Variants in SLC6A11 observed in about 807,000 individuals in gnomAD.
SLC6A11 encodes the protein sodium- and chloride-dependent GABA transporter 3.
Under a neutral mutation model 74.8 loss-of-function variants are expected in SLC6A11, and 25 were observed. The observed-to-expected ratio is 0.33, with a 90% CI of 0.24 to 0.47. SLC6A11 has a LOEUF of 0.47. Ranked by LOEUF, SLC6A11 falls within the 20% of genes least tolerant of loss-of-function variation. The pLI is 1.00. For missense variants in SLC6A11, 574 were observed against 837.0 expected (o/e 0.69, Z 3.88); for synonymous variants, 330 against 330.2 (o/e 1.00, Z 0.01).
intron 8 of SLC6A11, 73 bp from the exon 9 acceptor site, chr3:10,925,931 T>A: frequency 1.2e-6 from 1 of 836,422 alleles, no homozygotes; most frequent in Non-Finnish European, 2.0e-6. Context: ...ACTCAGTAAA[T>A]GCTGGATTAA....
At chr3:10,868,603 G>A (rs913192419) in intron 5 of SLC6A11, among the ~76,000 whole-genome samples, 2 of 152,210 alleles carry the variant, frequency 1.3e-5, no homozygotes, top group African/African-American at 4.8e-5. Flanking sequence ...ATGGACTGAG[G>A]GTTCTGACAG....
intron 9 of SLC6A11, 79 bp from the exon 10 acceptor site, chr3:10,929,123 C>T (rs554415159): frequency 2.7e-6 from 4 of 1,504,872 alleles, no homozygotes; most frequent in Admixed American, 1.7e-5. Flanking sequence ...GGGTTCAGGC[C>T]TGCTGCGCTT....
intron 6 of SLC6A11, among the ~76,000 whole-genome samples, chr3:10,906,316 A>G (rs1695301946): frequency 6.6e-6 from 1 of 152,244 alleles, no homozygotes. Flanking sequence ...AGGGTAGTAA[A>G]ACAAAAACCC....
At chr3:10,852,840 G>A (rs982199975) in intron 5 of SLC6A11, among the ~76,000 whole-genome samples, 2 of 152,238 alleles carry the variant, frequency 1.3e-5, no homozygotes, top group African/African-American at 4.8e-5. Context: ...TGTATCTACT[G>A]AATATTAGCT....
chr3:10,898,256 G>A (rs550013071), intron 6 of SLC6A11, among the ~76,000 whole-genome samples: 19 of 152,140 alleles, frequency 1.2e-4, no homozygotes, highest in South Asian at 2.1e-4. Context: ...ATTAACATTC[G>A]GCTCCTGGTT....
intron 4 of SLC6A11, among the ~76,000 whole-genome samples, chr3:10,835,526 C>T (rs944219117): frequency 1.3e-5 from 2 of 152,302 alleles, no homozygotes; most frequent in Admixed American, 6.5e-5. Flanking sequence ...CCCTGAGTGC[C>T]TGCTCCTCTG....
intron 5 of SLC6A11, among the ~76,000 whole-genome samples, chr3:10,865,944 CA>C (rs1424472416): frequency 6.6e-6 from 1 of 152,190 alleles, no homozygotes; most frequent in Non-Finnish European, 1.5e-5. Context: ...AAAACAGCAA[CA>C]GGACCCACCC....
intron 7 of SLC6A11, among the ~76,000 whole-genome samples, chr3:10,914,231 G>C (rs1298380857): frequency 6.6e-6 from 1 of 152,140 alleles, no homozygotes; most frequent in Non-Finnish European, 1.5e-5. Context: ...GGTGGAGGTG[G>C]TACCTTGCTA....
intron 5 of SLC6A11, among the ~76,000 whole-genome samples, chr3:10,856,495 A>G (rs942126080): frequency 3.9e-5 from 6 of 152,214 alleles, no homozygotes; most frequent in African/African-American, 1.2e-4. Context: ...TGGCAAATCC[A>G]CTTTACAAAT....
chr3:10,842,135 G>A (rs1306872624), intron 4 of SLC6A11, among the ~76,000 whole-genome samples: 2 of 152,208 alleles, frequency 1.3e-5, no homozygotes, highest in African/African-American at 4.8e-5. Flanking sequence ...GGGAGCCGGT[G>A]TATTTCTCTG....
At chr3:10,842,290 A>G (rs1239356445) in intron 4 of SLC6A11, among the ~76,000 whole-genome samples, 3 of 152,106 alleles carry the variant, frequency 2.0e-5, no homozygotes, top group Non-Finnish European at 2.9e-5. Flanking sequence ...AAGAAACTCT[A>G]CTTCTGTGGT....
rs1009489416 is a variant in SLC6A11 at position 10,918,018 on chromosome 3, C to T, written c.996-311C>T. Among the ~76,000 whole-genome samples, 1 of 152,160 alleles carries T rather than the reference C, an allele frequency of 6.6e-6. No individual in the cohort carries two copies. Among genetic ancestry groups the T allele is most frequent in the Non-Finnish European group, 1.5e-5 (1 of 68,018 alleles). On this transcript the variant is annotated intron_variant, in intron 7 of 13. Transcript: ENST00000254488. The surrounding 1 kb of genome is among the most constrained non-coding windows in gnomAD (Gnocchi z 4.5). ...TCCTACCAGGGACTTGGAGGAGCGT[C>T]GGTGTGTTTCAGAGTATTTTCTCAT...
At position 10,816,259 on chromosome 3, in the gene SLC6A11, C is replaced by T. The variant is rs533976031; in HGVS notation, c.-7C>T. 908 of 1,322,826 alleles carry T rather than the reference C, an allele frequency of 6.9e-4. 26 individuals carry two copies. The Admixed American group carries it at 0.031, about 45-fold the overall frequency. The allele number at this position is 1,322,826 out of a possible 1,614,324, so 81.9% of individuals were successfully genotyped here. A position where few individuals can be genotyped will look rare whatever the true frequency, so the allele number is the denominator to read the frequency against. The stretch of plus-strand genomic sequence containing the variant: ...CCGGGCCGGCGCACGAGGCAGCCAG[C>T]GCGGCCATGACGGCGGAGAAGGCGC... On this transcript the variant is annotated 5_prime_UTR_variant, in exon 1 of 14. Coordinates refer to ENST00000254488, the MANE Select transcript of SLC6A11 (RefSeq NM_014229.3). This position sits in a 1 kb window ranked among gnomAD's most constrained non-coding sequence, Gnocchi z 4.2.
chr3:10,861,378 A>AC, intron 5 of SLC6A11, among the ~76,000 whole-genome samples: 1 of 151,940 alleles, frequency 6.6e-6, no homozygotes, highest in Non-Finnish European at 1.5e-5. Context: ...TTAGCTGGGC[A>AC]TGGTGGTGGA....
chr3:10,932,128 C>T (rs964949541), intron 10 of SLC6A11, among the ~76,000 whole-genome samples: 4 of 152,138 alleles, frequency 2.6e-5, no homozygotes, highest in African/African-American at 9.7e-5. Flanking sequence ...GAGACCCCCG[C>T]TCTCCCTATA....
At chr3:10,900,921 G>A (rs1167779731) in intron 6 of SLC6A11, among the ~76,000 whole-genome samples, 1 of 152,144 alleles carries the variant, frequency 6.6e-6, no homozygotes, top group African/African-American at 2.4e-5. Flanking sequence ...CTGGCCCAGG[G>A]TCATTTAGAA....
chr3:10,826,377 A>G (rs1694210114), intron 4 of SLC6A11, among the ~76,000 whole-genome samples: 1 of 152,212 alleles, frequency 6.6e-6, no homozygotes, highest in Admixed American at 6.5e-5. Flanking sequence ...TCCTGGAAGA[A>G]TGTCAGAGAC....
At chr3:10,907,485 T>A (rs1393919794) in intron 6 of SLC6A11, among the ~76,000 whole-genome samples, 1 of 152,188 alleles carries the variant, frequency 6.6e-6, no homozygotes, top group Non-Finnish European at 1.5e-5. Context: ...AGCAATAATT[T>A]TGGGATCTTT....
At chr3:10,825,676 T>G (rs1237921239) in intron 4 of SLC6A11, among the ~76,000 whole-genome samples, 1 of 152,234 alleles carries the variant, frequency 6.6e-6, no homozygotes, top group Non-Finnish European at 1.5e-5. Flanking sequence ...ACAGTTTTTT[T>G]TCATATTTAG....
Sources: gnomAD v4.1 joint callset for allele counts (sites outside exome capture counted in the v4.1 genomes callset) on GRCh38, gnomAD v4.1.1 for gene constraint, Gnocchi (gnomAD v3.1) non-coding constraint, MANE v1.5 for transcripts, NCBI Gene and HGNC (gene_info 2026-07-23, HGNC 2026-07-21) for gene names.